Variants in AKAP6 observed in about 807,000 individuals in gnomAD.
AKAP6 encodes the protein A-kinase anchoring protein 6, also known as A-kinase anchor protein 6.
AKAP6 carries 58 observed loss-of-function variants against 188.5 expected under a neutral mutation model. That is an observed-to-expected ratio of 0.31 (90% confidence interval 0.25 to 0.38). The LOEUF is 0.38. AKAP6 is among the 10% of genes least tolerant of loss of function. The pLI, the probability that AKAP6 is intolerant of heterozygous loss-of-function variation, is 1.00. For synonymous variants in AKAP6, 989 were observed against 998.6 expected (o/e 0.99, Z 0.18); for missense variants, 2,710 against 2,740.0 (o/e 0.99, Z 0.24).
At chr14:32,495,221 A>G (rs1419575088) in intron 2 of AKAP6, 1 of 152,214 alleles carries the variant, frequency 6.6e-6, no homozygotes, top group Non-Finnish European at 1.5e-5. Flanking sequence ...GGTTAACTAG[A>G]GACAGCTGAT....
intron 2 of AKAP6, among the ~76,000 whole-genome samples, chr14:32,453,384 C>T (rs926291470): frequency 1.3e-5 from 2 of 151,884 alleles, no homozygotes; most frequent in African/African-American, 2.4e-5. Context: ...CACGAGGTGG[C>T]GGGATTTTTT....
intron 13 of AKAP6, among the ~76,000 whole-genome samples, chr14:32,826,152 C>G (rs935486205): frequency 6.6e-6 from 1 of 150,504 alleles, no homozygotes; most frequent in Non-Finnish European, 1.5e-5. Flanking sequence ...TGTAGAGCTG[C>G]TAGAAATGGG....
intron 2 of AKAP6, among the ~76,000 whole-genome samples, chr14:32,519,274 T>A (rs201953880): frequency 6.6e-6 from 1 of 152,082 alleles, no homozygotes; most frequent in African/African-American, 2.4e-5. Context: ...GGCTAGGAAG[T>A]AACTGCATCA....
At chr14:32,827,539 T>G (rs72669870) in intron 13 of AKAP6, among the ~76,000 whole-genome samples, 9,899 of 152,294 alleles carry the variant, frequency 0.065, 377 homozygotes, top group South Asian at 0.15. Flanking sequence ...AGTTTTAACA[T>G]GATCTAACAG....
chr14:32,342,995 T>C (rs1044809892), intron 1 of AKAP6, among the ~76,000 whole-genome samples: 2 of 152,210 alleles, frequency 1.3e-5, no homozygotes, highest in African/African-American at 4.8e-5. Flanking sequence ...TGCACACTAA[T>C]GTTCACAATA....
intron 12 of AKAP6, among the ~76,000 whole-genome samples, chr14:32,801,555 A>G (rs369529689): frequency 1.3e-5 from 2 of 152,216 alleles, no homozygotes; most frequent in East Asian, 3.8e-4. Context: ...TAAAAATAAG[A>G]GAACTGAAAG....
chr14:32,565,560 G>C (rs1049252255), intron 4 of AKAP6, among the ~76,000 whole-genome samples: 1 of 152,124 alleles, frequency 6.6e-6, no homozygotes, highest in Non-Finnish European at 1.5e-5. Flanking sequence ...CTTTTAACTG[G>C]CTTCTCTGCT....
At chr14:32,597,275 A>C (rs1885743355) in intron 5 of AKAP6, among the ~76,000 whole-genome samples, 1 of 152,192 alleles carries the variant, frequency 6.6e-6, no homozygotes, top group African/African-American at 2.4e-5. Context: ...ATGATTGCCA[A>C]CTATTCAAAA....
intron 2 of AKAP6, among the ~76,000 whole-genome samples, chr14:32,481,006 C>G (rs987383756): frequency 1.3e-5 from 2 of 152,144 alleles, no homozygotes; most frequent in Non-Finnish European, 2.9e-5. Flanking sequence ...GTAGAGATAA[C>G]TCCTATTGAC....
chr14:32,365,930 T>C (rs1392536048), intron 1 of AKAP6, among the ~76,000 whole-genome samples: 1 of 152,158 alleles, frequency 6.6e-6, no homozygotes, highest in East Asian at 1.9e-4. Context: ...TTAGTCCACC[T>C]CTCTCCTGCT....
intron 3 of AKAP6, among the ~76,000 whole-genome samples, chr14:32,539,378 G>A (rs977107213): frequency 5.3e-5 from 8 of 152,126 alleles, no homozygotes; most frequent in African/African-American, 1.7e-4. Flanking sequence ...CACTTTGTGG[G>A]TTCCTCCACT....
intron 2 of AKAP6, among the ~76,000 whole-genome samples, chr14:32,469,527 A>G (rs1878652172): frequency 6.6e-6 from 1 of 152,216 alleles, no homozygotes; most frequent in Non-Finnish European, 1.5e-5. Context: ...AAGTGTAATA[A>G]TAACTAAATC....
intron 2 of AKAP6, among the ~76,000 whole-genome samples, chr14:32,492,353 TATAGAGAGAG>T (rs1425894700): frequency 5.9e-4 from 31 of 52,256 alleles, no homozygotes; most frequent in African/African-American, 1.3e-3. Context: ...TATATATATA[TATAGAGAGAG>T]AGAGAGAGAG....
chr14:32,639,114 A>G (rs1187600227), intron 7 of AKAP6, among the ~76,000 whole-genome samples: 2 of 152,120 alleles, frequency 1.3e-5, no homozygotes, highest in African/African-American at 4.8e-5. Flanking sequence ...TTTAAATGCT[A>G]TTGCTATTGA....
intron 7 of AKAP6, among the ~76,000 whole-genome samples, chr14:32,618,337 C>T (rs1286380398): frequency 6.6e-6 from 1 of 152,080 alleles, no homozygotes; most frequent in East Asian, 1.9e-4. Flanking sequence ...TTTTATCCTT[C>T]TCCTTCGTCC....
At chr14:32,384,216 T>C (rs1466303809) in intron 1 of AKAP6, among the ~76,000 whole-genome samples, 1 of 152,238 alleles carries the variant, frequency 6.6e-6, no homozygotes, top group Non-Finnish European at 1.5e-5. Flanking sequence ...GTGTGTTCCC[T>C]TCTTGCTAGA....
chr14:32,662,576 G>C (rs201609305), intron 7 of AKAP6, among the ~76,000 whole-genome samples: 1 of 152,028 alleles, frequency 6.6e-6, no homozygotes, highest in African/African-American at 2.4e-5. Flanking sequence ...CCAGAGGCTT[G>C]TTTGGATTCA....
intron 1 of AKAP6, among the ~76,000 whole-genome samples, chr14:32,412,329 A>G (rs536446183): frequency 6.6e-6 from 1 of 152,348 alleles, no homozygotes; most frequent in Non-Finnish European, 1.5e-5. Context: ...GAAGAGTCTG[A>G]GTGAGACACC....
rs1455992827 is a variant in AKAP6 at position 32,831,387 on chromosome 14, T to G, written c.*1582T>G. The G allele has an allele frequency of 6.6e-6, 1 of 152,196 alleles. No individual in the cohort carries two copies. The highest frequency in any genetic ancestry group is 1.5e-5 in the Non-Finnish European group (1 of 68,032). The allele number at this position is 152,196 out of a possible 1,614,324, so 9.4% of individuals were successfully genotyped here. A position where few individuals can be genotyped will look rare whatever the true frequency, so the allele number is the denominator to read the frequency against. ...TGACATGGTGACATCTATCCCTTTA[T>G]TTTGACACTAAAACATGGACACAAC... On this transcript the variant is annotated 3_prime_UTR_variant, in exon 14 of 14. Coordinates refer to ENST00000280979, the MANE Select transcript of AKAP6 (RefSeq NM_004274.5).
Sources: allele counts gnomAD v4.1 joint callset (sites outside exome capture counted in the v4.1 genomes callset), GRCh38; gene constraint gnomAD v4.1.1; transcripts MANE v1.5; gene names NCBI Gene and HGNC (gene_info 2026-07-23, HGNC 2026-07-21).